Variants in HHIPL1 observed in about 807,000 individuals in gnomAD.
The protein encoded by HHIPL1 is HHIP like 1.
Under a neutral mutation model 61.8 loss-of-function variants are expected in HHIPL1, and 43 were observed. The observed-to-expected ratio is 0.70, with a 90% confidence interval of 0.55 to 0.90. The LOEUF (loss-of-function observed/expected upper bound fraction) is 0.90. Ranked by LOEUF, HHIPL1 falls within the 40% of genes least tolerant of loss-of-function variation. The probability of loss-of-function intolerance (pLI) is 0.00; values close to 1 mark genes in which losing one functional copy is unlikely to be tolerated. For missense variants in HHIPL1, 1,056 were observed against 1,157.7 expected, an observed-to-expected ratio of 0.91 and a Z score of 1.28; for synonymous variants, 482 against 515.8, an observed-to-expected ratio of 0.93 and a Z score of 0.89.
intron 8 of HHIPL1, among the ~76,000 whole-genome samples, 167 bp from the exon 9 acceptor site, chr14:99,674,924 G>C (rs1330290889): frequency 6.6e-6 from 1 of 152,158 alleles, no homozygotes; most frequent in African/African-American, 2.4e-5. Flanking sequence ...AGCACGACTG[G>C]GAGCGCAGGC....
chr14:99,669,303 G>A lies in HHIPL1; in HGVS notation c.1730+1000G>A, dbSNP rs746233078. On this transcript the variant is annotated intron_variant, in intron 7 of 8. Transcript: ENST00000330710. ...GCTGCTTCTCAGCCCTTAGATTTTC[G>A]CTTCTCTGCTGGCTTCCACAGCAGT... 4.3e-5 allele frequency: 44 copies of A among 1,026,398 alleles called. 1 individual carries two copies. Among genetic ancestry groups the A allele is most frequent in the East Asian group, 8.3e-5 (1 of 12,074 alleles). 63.6% of individuals were successfully genotyped at this position (1,026,398 alleles called of 1,614,324 possible). A position where few individuals can be genotyped will look rare whatever the true frequency, so the allele number is the denominator to read the frequency against.
rs1413012788 is a variant in HHIPL1 at position 99,659,764 on chromosome 14, C to A, written c.1375+8C>A. The A allele has an allele frequency of 1.4e-6, 2 of 1,404,596 alleles. No individual in the cohort carries two copies. The highest frequency in any genetic ancestry group is 1.5e-5 in the African/African-American group (1 of 66,254). The allele number at this position is 1,404,596 out of a possible 1,614,324, so 87.0% of individuals were successfully genotyped here. On this transcript the variant is annotated splice_region_variant and intron_variant, in intron 4 of 8. Transcript: ENST00000330710. ...GCGCCAACACCTCTCTCAGTGAGTGCCCGCGCCCCGGGGACCCCGGCCCCG... is the reference window on the plus strand; with the variant it reads ...GCGCCAACACCTCTCTCAGTGAGTGACCGCGCCCCGGGGACCCCGGCCCCG...
At chr14:99,659,851 C>CCG in intron 4 of HHIPL1, 95 bp downstream of exon 4, 1 of 551,520 alleles carries the variant, frequency 1.8e-6, no homozygotes, top group Non-Finnish European at 2.7e-6. Flanking sequence ...ACCGCACCCC[C>CCG]CCCCCCCCGG....
chr14:99,605,401 TC>T, the HHIPL1 span, among the ~76,000 whole-genome samples: 1 of 113,970 alleles, frequency 8.8e-6, no homozygotes, highest in Non-Finnish European at 2.0e-5. Flanking sequence ...GGGGGGTCCC[TC>T]CCCCGGAACC....
At chr14:99,621,962 A>T in the HHIPL1 span, among the ~76,000 whole-genome samples, 1 of 151,810 alleles carries the variant, frequency 6.6e-6, no homozygotes, top group African/African-American at 2.4e-5. Context: ...TGATCCGCCC[A>T]CCTTGGCCTC....
chr14:99,649,054 T>C (rs958925161), intron 1 of HHIPL1, among the ~76,000 whole-genome samples: 1 of 152,176 alleles, frequency 6.6e-6, no homozygotes, highest in African/African-American at 2.4e-5. Flanking sequence ...CTGCGGATCA[T>C]CCTCTTGCCA....
At chr14:99,651,796 G>C (rs1434434829) in intron 1 of HHIPL1, among the ~76,000 whole-genome samples, 1 of 152,168 alleles carries the variant, frequency 6.6e-6, no homozygotes, top group Non-Finnish European at 1.5e-5. Context: ...AACAGATAGA[G>C]GCCGGAAGGT....
At chr14:99,608,196 G>A in the HHIPL1 span, among the ~76,000 whole-genome samples, 1,365 of 152,170 alleles carry the variant, frequency 9.0e-3, 17 homozygotes, top group African/African-American at 0.031. Context: ...GGGGAAAGTC[G>A]GGAAGAGGTT....
intron 3 of HHIPL1, among the ~76,000 whole-genome samples, chr14:99,657,919 A>G (rs2056078880): frequency 6.6e-6 from 1 of 151,636 alleles, no homozygotes; most frequent in African/African-American, 2.4e-5. Context: ...ACACACACAT[A>G]CACACATACA....
intron 2 of HHIPL1, among the ~76,000 whole-genome samples, chr14:99,656,761 C>A (rs2056033948): frequency 1.7e-5 from 2 of 116,420 alleles, no homozygotes; most frequent in East Asian, 5.1e-4. Flanking sequence ...GGTGACAGAG[C>A]AACACTCTGT....
At chr14:99,649,971 C>T (rs915928113) in intron 1 of HHIPL1, among the ~76,000 whole-genome samples, 1 of 152,252 alleles carries the variant, frequency 6.6e-6, no homozygotes, top group Non-Finnish European at 1.5e-5. Context: ...GCCTGGCCAT[C>T]TGGCCTGCTC....
intron 4 of HHIPL1, 133 bp downstream of exon 4, chr14:99,659,889 G>A (rs1204295884): frequency 1.4e-6 from 1 of 714,278 alleles, no homozygotes; most frequent in Non-Finnish European, 2.1e-6. Flanking sequence ...TCTGTCCTCG[G>A]CCCCACTCTA....
intron 5 of HHIPL1, among the ~76,000 whole-genome samples, chr14:99,661,128 G>A (rs1294507831): frequency 3.2e-5 from 1 of 31,000 alleles, no homozygotes; most frequent in Non-Finnish European, 7.4e-5. Context: ...GGTGCTTATG[G>A]AGCCTCGTGA....
intron 3 of HHIPL1, among the ~76,000 whole-genome samples, chr14:99,657,705 G>T (rs149103801): frequency 6.6e-6 from 1 of 151,656 alleles, no homozygotes; most frequent in East Asian, 1.9e-4. Context: ...ACACAAATAT[G>T]CATACACACA....
chr14:99,669,752 C>T (rs1005412200), intron 7 of HHIPL1, among the ~76,000 whole-genome samples: 2 of 152,150 alleles, frequency 1.3e-5, no homozygotes, highest in Non-Finnish European at 2.9e-5. Flanking sequence ...TAGCAAGACC[C>T]CATCTCAACA....
Position 99,668,991 on chromosome 14 carries a change from T to A in HHIPL1, c.1730+688T>A. Reference sequence around the variant, plus strand: ...CCAGGGTGGGGCCCAGGCCACTGGCTCCAGAGCCCTGCCCTAACCCCTTGG... The same window carrying A: ...CCAGGGTGGGGCCCAGGCCACTGGCACCAGAGCCCTGCCCTAACCCCTTGG... On this transcript the variant is annotated intron_variant, in intron 7 of 8. Coordinates refer to ENST00000330710, the MANE Select transcript of HHIPL1 (RefSeq NM_001127258.3). This position sits in a 1 kb window ranked among gnomAD's most constrained non-coding sequence, Gnocchi z 4.7. 6.4e-7 allele frequency: 1 copy of A among 1,560,310 alleles called. No homozygotes were observed. Among genetic ancestry groups the A allele is most frequent in the Non-Finnish European group, 8.7e-7 (1 of 1,153,190 alleles).
intron 8 of HHIPL1, among the ~76,000 whole-genome samples, chr14:99,673,060 G>A (rs1221067704): frequency 6.6e-6 from 1 of 152,180 alleles, no homozygotes; most frequent in Admixed American, 6.5e-5. Flanking sequence ...CAAAGTGTTG[G>A]CGACTAGTTC....
In HHIPL1 at chr14:99,645,360, G is replaced by T. The variant is rs2055813821; in HGVS notation, c.153G>T (p.Gly51=). Residue 51 remains glycine, a synonymous_variant, in exon 1 of 9, where the codon GGG becomes GGT. Transcript: ENST00000330710. ...QYSDFGCCDE[G]RDAELTRRFW... ...CGGACTTCGGCTGCTGCGATGAGGG[G>T]CGCGACGCCGAGCTGACCCGCCGCT... 1 of 1,446,930 alleles carries T rather than the reference G, an allele frequency of 6.9e-7. No homozygotes were observed. Among genetic ancestry groups the T allele is most frequent in the Non-Finnish European group, 9.1e-7 (1 of 1,103,842 alleles). The allele number at this position is 1,446,930 out of a possible 1,614,324, so 89.6% of individuals were successfully genotyped here.
At chr14:99,622,199 C>T in the HHIPL1 span, among the ~76,000 whole-genome samples, 1 of 152,170 alleles carries the variant, frequency 6.6e-6, no homozygotes, top group East Asian at 1.9e-4. Flanking sequence ...ATGTGATGTT[C>T]TCATGGGACA....
Sources: allele counts gnomAD v4.1 joint callset (sites outside exome capture counted in the v4.1 genomes callset), GRCh38; gene constraint gnomAD v4.1.1; non-coding constraint Gnocchi (gnomAD v3.1); transcripts MANE v1.5; gene names NCBI Gene and HGNC (gene_info 2026-07-23, HGNC 2026-07-21).